ADGRB3: variants seen among roughly 807,000 people sequenced by gnomAD.
ADGRB3 encodes the protein brain-specific angiogenesis inhibitor 3.
A neutral mutation model predicts 193.4 loss-of-function variants in ADGRB3; 37 were observed. That is an observed-to-expected ratio of 0.19 (90% confidence interval 0.15 to 0.25). The LOEUF (loss-of-function observed/expected upper bound fraction) is 0.25, where lower values mean the gene tolerates loss of function less well. ADGRB3 is among the 10% of genes least tolerant of loss of function. ADGRB3 has a pLI of 1.00. For synonymous variants in ADGRB3, 690 were observed against 644.2 expected, an observed-to-expected ratio of 1.07 and a Z score of -1.08; for missense variants, 1,637 against 1,852.9, an observed-to-expected ratio of 0.88 and a Z score of 2.14.
At chr6:68,732,080 A>G (rs1182502326) in intron 3 of ADGRB3, among the ~76,000 whole-genome samples, 1 of 151,748 alleles carries the variant, frequency 6.6e-6, no homozygotes, top group Non-Finnish European at 1.5e-5. Context: ...TAATGAAATA[A>G]CTCCTTATTA....
chr6:69,084,174 C>T (rs1216900620), intron 17 of ADGRB3, among the ~76,000 whole-genome samples: 1 of 152,042 alleles, frequency 6.6e-6, no homozygotes, highest in African/African-American at 2.4e-5. Flanking sequence ...TCTGCTTTTC[C>T]CTCTGGCCCC....
chr6:68,911,521 A>C lies in ADGRB3; in HGVS notation c.758-19038A>C, dbSNP rs1766709896. Among the ~76,000 whole-genome samples the C allele has an allele frequency of 3.9e-5, 6 of 152,346 alleles. No individual in the cohort carries two copies. The South Asian group carries it at 1.2e-3, about 32-fold the overall frequency. ...CATTAAATTCAGTGTGATGCTCTGGATACCAGCATGCTATGCCCTCTGTCT... is the reference window on the plus strand; with the variant it reads ...CATTAAATTCAGTGTGATGCTCTGGCTACCAGCATGCTATGCCCTCTGTCT... On this transcript the variant is annotated intron_variant, in intron 3 of 31. Transcript: ENST00000370598.
At chr6:68,893,498 AAAAG>A (rs1296489770) in intron 3 of ADGRB3, among the ~76,000 whole-genome samples, 1 of 151,808 alleles carries the variant, frequency 6.6e-6, no homozygotes, top group Non-Finnish European at 1.5e-5. Context: ...ATAAAGAAAA[AAAAG>A]AAAGCCTGTC....
intron 3 of ADGRB3, among the ~76,000 whole-genome samples, chr6:68,796,411 G>A (rs908712150): frequency 1.3e-5 from 2 of 151,946 alleles, no homozygotes; most frequent in African/African-American, 4.8e-5. Context: ...TGAATATTCT[G>A]GGGTTACAAG....
At chr6:68,813,825 C>G (rs924069074) in intron 3 of ADGRB3, among the ~76,000 whole-genome samples, 1 of 151,992 alleles carries the variant, frequency 6.6e-6, no homozygotes, top group Non-Finnish European at 1.5e-5. Context: ...TTTGTCCTTG[C>G]GATAGTTTGC....
chr6:69,242,312 G>A (rs1233322090), intron 20 of ADGRB3, among the ~76,000 whole-genome samples: 1 of 151,726 alleles, frequency 6.6e-6, no homozygotes, highest in Non-Finnish European at 1.5e-5. Flanking sequence ...GCTTCTGTGG[G>A]GATTTTTTAA....
At chr6:69,280,652 C>G (rs750565264) in intron 20 of ADGRB3, among the ~76,000 whole-genome samples, 3 of 152,100 alleles carry the variant, frequency 2.0e-5, no homozygotes, top group Admixed American at 6.5e-5. Flanking sequence ...CAAGTGCCAT[C>G]CAAATATTTT....
intron 17 of ADGRB3, among the ~76,000 whole-genome samples, chr6:69,183,295 A>C (rs1438108602): frequency 6.6e-6 from 1 of 152,120 alleles, no homozygotes; most frequent in African/African-American, 2.4e-5. Flanking sequence ...TAAGTACTTC[A>C]ATGACTTAAA....
intron 13 of ADGRB3, among the ~76,000 whole-genome samples, chr6:69,023,783 G>C (rs1470656355): frequency 6.6e-6 from 1 of 152,116 alleles, no homozygotes; most frequent in Non-Finnish European, 1.5e-5. Context: ...TCATGCAGGA[G>C]ACAATGAAGA....
At chr6:68,772,300 G>C (rs1289171873) in intron 3 of ADGRB3, among the ~76,000 whole-genome samples, 1 of 152,050 alleles carries the variant, frequency 6.6e-6, no homozygotes, top group Admixed American at 6.6e-5. Context: ...GTGAAGGGAT[G>C]GTGAAGCCAT....
rs766440074 is a variant in ADGRB3 at position 68,930,598 on chromosome 6, G to A, written c.797G>A (p.Arg266Gln). Residue 266 changes from arginine to glutamine, a missense_variant, in exon 4 of 32, where the codon CGA (arginine) becomes CAA (glutamine). This residue lies in a region of ADGRB3 where 365 missense variants were observed against 409.8 expected (regional missense o/e 0.89). Coordinates refer to ENST00000370598, the MANE Select transcript of ADGRB3 (RefSeq NM_001704.3). The part of the protein sequence containing the change: ...MMGDHTIKSQ[R>Q]PRSVHEKRVP... Reference sequence around the variant, plus strand: ...GGAGATCATACAATTAAAAGTCAGCGACCTCGATCTGTTCATGAAAAAAGG... The same window carrying A: ...GGAGATCATACAATTAAAAGTCAGCAACCTCGATCTGTTCATGAAAAAAGG... 16 of 1,612,506 alleles carry A rather than the reference G, an allele frequency of 9.9e-6. No homozygotes were observed. Among genetic ancestry groups the A allele is most frequent in the East Asian group, 4.5e-5 (2 of 44,760 alleles).
intron 6 of ADGRB3, among the ~76,000 whole-genome samples, chr6:68,954,075 T>A (rs557408613): frequency 6.6e-6 from 1 of 152,358 alleles, no homozygotes; most frequent in South Asian, 2.1e-4. Flanking sequence ...TATGGGATTG[T>A]GCCTTTGTCA....
chr6:69,004,675 A>G (rs1769694008), intron 11 of ADGRB3, among the ~76,000 whole-genome samples: 1 of 150,914 alleles, frequency 6.6e-6, no homozygotes, highest in Admixed American at 6.6e-5. Context: ...TAAGGACACC[A>G]GTCAGATTAG....
rs563955044 is a variant in ADGRB3 at position 68,901,840 on chromosome 6, T to C, written c.758-28719T>C. Reference sequence around the variant, plus strand: ...AGGGAAGACGCAAAAAGTAAAGCAATGTTGTCAAGGTAGCATGATATAGTT... The same window carrying C: ...AGGGAAGACGCAAAAAGTAAAGCAACGTTGTCAAGGTAGCATGATATAGTT... On this transcript the variant is annotated intron_variant, in intron 3 of 31. Transcript: ENST00000370598. 1.4e-4 allele frequency among the ~76,000 whole-genome samples: 21 copies of C among 152,216 alleles called. 1 individual carries two copies. The highest frequency in any genetic ancestry group is 1.0e-4 in the Non-Finnish European group (7 of 68,002).
chr6:69,192,791 T>C (rs546486769), intron 17 of ADGRB3, among the ~76,000 whole-genome samples: 1 of 152,298 alleles, frequency 6.6e-6, no homozygotes, highest in Admixed American at 6.5e-5. Context: ...GTCTGCTATA[T>C]TCTGCATTAA....
chr6:68,908,374 C>G (rs1345256317), intron 3 of ADGRB3, among the ~76,000 whole-genome samples: 1 of 152,052 alleles, frequency 6.6e-6, no homozygotes, highest in African/African-American at 2.4e-5. Context: ...TTCTCTTATT[C>G]CTTGAATATG....
At chr6:68,883,702 A>T (rs1765808559) in intron 3 of ADGRB3, among the ~76,000 whole-genome samples, 2 of 152,192 alleles carry the variant, frequency 1.3e-5, no homozygotes, top group Non-Finnish European at 2.9e-5. Flanking sequence ...CGAACCCACC[A>T]GAAGGAAGAA....
chr6:69,176,249 T>C (rs1244144983), intron 17 of ADGRB3, among the ~76,000 whole-genome samples: 1 of 152,210 alleles, frequency 6.6e-6, no homozygotes, highest in Admixed American at 6.5e-5. Context: ...ATTCTGCACA[T>C]TCAGTATGAT....
At chr6:69,134,326 A>G (rs1224351153) in intron 17 of ADGRB3, among the ~76,000 whole-genome samples, 2 of 152,210 alleles carry the variant, frequency 1.3e-5, no homozygotes, top group East Asian at 3.9e-4. Context: ...TCCAGGAAGC[A>G]TTTCCTCATC....
Sources: allele counts gnomAD v4.1 joint callset (sites outside exome capture counted in the v4.1 genomes callset), GRCh38; gene constraint gnomAD v4.1.1; regional missense constraint gnomAD v4.1.1; transcripts MANE v1.5; gene names NCBI Gene and HGNC (gene_info 2026-07-23, HGNC 2026-07-21).